The following DAB1 variants were observed in gnomAD, a reference collection of about 807,000 sequenced individuals.
DAB1 encodes the protein DAB adaptor protein 1.
In DAB1, 15 loss-of-function variants were observed where a neutral mutation model predicts 64.6. The ratio of observed to expected loss-of-function variants is 0.23; its 90% confidence interval spans 0.16 to 0.36. The LOEUF is 0.36. Among genes scored for constraint, DAB1 ranks in the 10% least tolerant of loss-of-function variants. DAB1 has a pLI of 1.00. For missense variants in DAB1, 596 were observed against 706.7 expected (o/e 0.84, Z 1.78); for synonymous variants, 235 against 251.9 (o/e 0.93, Z 0.64).
intron 5 of DAB1, among the ~76,000 whole-genome samples, chr1:58,086,016 T>C (rs930828603): frequency 7.3e-6 from 1 of 137,914 alleles, no homozygotes; most frequent in Admixed American, 7.7e-5. Flanking sequence ...CAGGCTGGAG[T>C]GCAGTGGCGG....
intron 7 of DAB1, among the ~76,000 whole-genome samples, chr1:57,631,606 G>A (rs1645990295): frequency 6.6e-6 from 1 of 152,088 alleles, no homozygotes; most frequent in South Asian, 2.1e-4. Flanking sequence ...GTATCTATAT[G>A]TTTTTGTATT....
At chr1:57,368,045 C>A (rs1680203197) in intron 1 of DAB1, among the ~76,000 whole-genome samples, 1 of 152,216 alleles carries the variant, frequency 6.6e-6, no homozygotes, top group South Asian at 2.1e-4. Context: ...CTATTGGCAC[C>A]TGCTCCCATC....
chr1:57,289,894 A>AG (rs35255502), intron 2 of DAB1, among the ~76,000 whole-genome samples: 61,497 of 151,916 alleles, frequency 0.4, 13,029 homozygotes, highest in Admixed American at 0.58. Flanking sequence ...TTTAATTGGC[A>AG]GGGGTGAAGC....
At chr1:58,334,584 T>C (rs1239324079) in intron 4 of DAB1, among the ~76,000 whole-genome samples, 1 of 148,320 alleles carries the variant, frequency 6.7e-6, no homozygotes, top group Non-Finnish European at 1.5e-5. Flanking sequence ...CTTTGAGCTA[T>C]TTATCTTATA....
intron 1 of DAB1, chr1:58,539,312 T>A (rs1407599728): frequency 6.2e-6 from 5 of 802,496 alleles, no homozygotes; most frequent in African/African-American, 5.2e-5. Context: ...CTTGACTACC[T>A]GAAACAAAAA....
At chr1:57,774,475 A>T (rs1364119377) in intron 6 of DAB1, among the ~76,000 whole-genome samples, 1 of 151,790 alleles carries the variant, frequency 6.6e-6, no homozygotes, top group Non-Finnish European at 1.5e-5. Flanking sequence ...GTTGAATAGA[A>T]ATGATGAAAG....
intron 6 of DAB1, among the ~76,000 whole-genome samples, chr1:57,799,132 G>A (rs1214883400): frequency 1.3e-5 from 2 of 152,152 alleles, no homozygotes; most frequent in African/African-American, 4.8e-5. Flanking sequence ...CTGCAAAATG[G>A]GTATACATTT....
intron 3 of DAB1, among the ~76,000 whole-genome samples, chr1:58,412,693 A>T (rs190173777): frequency 1.3e-5 from 2 of 152,320 alleles, no homozygotes; most frequent in East Asian, 3.9e-4. Context: ...TACAATGTCC[A>T]CTACAGAGCA....
chr1:58,459,171 G>A (rs1645219685), intron 3 of DAB1, among the ~76,000 whole-genome samples: 1 of 152,238 alleles, frequency 6.6e-6, no homozygotes, highest in Non-Finnish European at 1.5e-5. Context: ...AGAACACAGA[G>A]AGTGGGCTCA....
At chr1:58,144,119 T>C (rs1039657879) in intron 5 of DAB1, among the ~76,000 whole-genome samples, 1 of 152,218 alleles carries the variant, frequency 6.6e-6, no homozygotes, top group Non-Finnish European at 1.5e-5. Flanking sequence ...AACTACCAAG[T>C]TCAATGAGAA....
chr1:57,874,730 G>C (rs1475947371), intron 1 of DAB1, among the ~76,000 whole-genome samples: 2 of 152,132 alleles, frequency 1.3e-5, no homozygotes, highest in Non-Finnish European at 2.9e-5. Flanking sequence ...AAGAGTGATG[G>C]TCACATTTTC....
At chr1:57,153,411 G>T (rs1659884827) in intron 2 of DAB1, among the ~76,000 whole-genome samples, 1 of 152,062 alleles carries the variant, frequency 6.6e-6, no homozygotes, top group African/African-American at 2.4e-5. Flanking sequence ...TTTTTCTCAG[G>T]TACCAGCAGA....
At chr1:57,153,614 A>G (rs1057428735) in intron 2 of DAB1, among the ~76,000 whole-genome samples, 2 of 119,832 alleles carry the variant, frequency 1.7e-5, no homozygotes, top group African/African-American at 3.8e-5. Flanking sequence ...TAGTAGGTAT[A>G]TGTATGGGGT....
chr1:58,008,458 TTAAAGGG>T (rs1646619482), intron 5 of DAB1, among the ~76,000 whole-genome samples: 1 of 152,058 alleles, frequency 6.6e-6, no homozygotes, highest in South Asian at 2.1e-4. Flanking sequence ...GACCTAGGTT[TTAAAGGG>T]TAAGTTAGGT....
intron 6 of DAB1, among the ~76,000 whole-genome samples, chr1:57,708,680 C>T (rs1186412629): frequency 6.6e-6 from 1 of 152,176 alleles, no homozygotes; most frequent in Non-Finnish European, 1.5e-5. Context: ...GTCCTGGGTG[C>T]CAGCAGAATT....
intron 7 of DAB1, among the ~76,000 whole-genome samples, chr1:57,566,189 A>G (rs1360873350): frequency 3.9e-5 from 6 of 152,190 alleles, no homozygotes; most frequent in Admixed American, 6.5e-5. Context: ...GGTACATAAC[A>G]AAATGAAGGC....
intron 3 of DAB1, among the ~76,000 whole-genome samples, chr1:57,143,762 C>T (rs1018025745): frequency 2.0e-5 from 3 of 151,442 alleles, no homozygotes; most frequent in South Asian, 2.1e-4. Context: ...AAGGTGATGC[C>T]GATTTTATCA....
intron 1 of DAB1, among the ~76,000 whole-genome samples, chr1:57,313,549 G>A (rs12402993): frequency 0.37 from 56,855 of 151,932 alleles, 12,382 homozygotes; most frequent in East Asian, 0.76. Context: ...AGTTGGCCCC[G>A]GTCTGGCCAT....
intron 1 of DAB1, among the ~76,000 whole-genome samples, chr1:57,325,832 G>A (rs979718256): frequency 2.6e-5 from 4 of 152,104 alleles, no homozygotes; most frequent in African/African-American, 7.2e-5. Context: ...AACAATTCAC[G>A]AAATCAAGAA....
Sources: allele counts gnomAD v4.1 joint callset (sites outside exome capture counted in the v4.1 genomes callset), GRCh38; gene constraint gnomAD v4.1.1; transcripts MANE v1.5; gene names NCBI Gene and HGNC (gene_info 2026-07-23, HGNC 2026-07-21).